BCL2L11: variants seen among roughly 807,000 people sequenced by gnomAD.
BCL2L11 encodes the protein bcl-2-like protein 11.
Under a neutral mutation model 20.6 loss-of-function variants are expected in BCL2L11, and 15 were observed. The observed-to-expected ratio is 0.73, with a 90% CI of 0.49 to 1.12. BCL2L11 has a LOEUF of 1.12. Among genes scored for constraint, BCL2L11 ranks in the 50% most tolerant of loss-of-function variants. The pLI is 0.00. For missense variants in BCL2L11, 292 were observed against 260.9 expected, an observed-to-expected ratio of 1.12 and a Z score of -0.82; for synonymous variants, 108 against 92.8, an observed-to-expected ratio of 1.16 and a Z score of -0.94.
intron 1 of BCL2L11, chr2:111,122,628 G>A (rs1197367129): frequency 1.4e-5 from 14 of 984,574 alleles, no homozygotes; most frequent in South Asian, 4.5e-5. Flanking sequence ...CGCAGAGCGC[G>A]AGGGGAGGAG....
chr2:111,127,758 A>G (rs1157753057), intron 2 of BCL2L11, among the ~76,000 whole-genome samples: 1 of 152,144 alleles, frequency 6.6e-6, no homozygotes. Flanking sequence ...TCAGCAGGGA[A>G]GCCACACATG....
intron 2 of BCL2L11, among the ~76,000 whole-genome samples, chr2:111,135,623 T>C (rs1000846853): frequency 6.6e-6 from 1 of 151,642 alleles, no homozygotes; most frequent in Non-Finnish European, 1.5e-5. Context: ...GATGGGAGAG[T>C]TCTCTTTTGT....
At chr2:111,123,425 G>C in intron 1 of BCL2L11, 1 of 985,470 alleles carries the variant, frequency 1.0e-6, no homozygotes, top group Non-Finnish European at 1.2e-6. Flanking sequence ...AGTCTGTCCT[G>C]GGCAAAGAGC....
chr2:111,144,429 A>G (rs1312288594), intron 2 of BCL2L11: 1 of 1,534,870 alleles, frequency 6.5e-7, no homozygotes, highest in African/African-American at 1.4e-5. Flanking sequence ...GATTTCAAAC[A>G]TGATTCTGAT....
At chr2:111,147,327 A>ATCTCTCTCTCTCTCTCTCTCTC (rs367737247) in intron 2 of BCL2L11, among the ~76,000 whole-genome samples, 70 of 125,848 alleles carry the variant, frequency 5.6e-4, no homozygotes, top group African/African-American at 2.3e-3. Flanking sequence ...AGCCTCCTGT[A>ATCTCTCTCTCTCTCTCTCTCTC]TCTCTCTCTC....
At chr2:111,131,734 A>G (rs1204449686) in intron 2 of BCL2L11, 1 of 152,214 alleles carries the variant, frequency 6.6e-6, no homozygotes, top group Non-Finnish European at 1.5e-5. Flanking sequence ...ATTTACAAAC[A>G]GAAACCCTAT....
Position 111,150,025 on chromosome 2 carries a change from T to C in BCL2L11, c.395-19T>C. ...TGTGGACCACAATGTGATTTTTGTT[T>C]TGTTTTGTTCTGATGCAGCTTCCAT... On this transcript the variant is annotated intron_variant, in intron 2 of 3. Coordinates refer to ENST00000393256, the MANE Select transcript of BCL2L11 (RefSeq NM_138621.5). 1 of 1,608,136 alleles carries C rather than the reference T, an allele frequency of 6.2e-7. No homozygotes were observed. Among genetic ancestry groups the C allele is most frequent in the Non-Finnish European group, 8.5e-7 (1 of 1,175,796 alleles).
intron 2 of BCL2L11, among the ~76,000 whole-genome samples, chr2:111,147,091 A>G (rs374032344): frequency 9.2e-5 from 14 of 152,202 alleles, no homozygotes; most frequent in Non-Finnish European, 1.5e-4. Flanking sequence ...TTTTAAAACT[A>G]CACCTAAGTA....
intron 3 of BCL2L11, among the ~76,000 whole-genome samples, chr2:111,158,871 T>C (rs2078214993): frequency 1.3e-5 from 2 of 152,236 alleles, no homozygotes; most frequent in African/African-American, 4.8e-5. Context: ...TCTCAACCTT[T>C]TTTTTTAAAT....
chr2:111,135,786 C>G (rs2074769661), intron 2 of BCL2L11, among the ~76,000 whole-genome samples: 1 of 152,204 alleles, frequency 6.6e-6, no homozygotes, highest in Non-Finnish European at 1.5e-5. Flanking sequence ...CTAACTAACC[C>G]CACCTTGTAC....
chr2:111,128,774 C>A, intron 2 of BCL2L11: 1 of 1,539,002 alleles, frequency 6.5e-7, no homozygotes, highest in Non-Finnish European at 8.7e-7. Context: ...GCCACAGCCA[C>A]CTCTCTCCCT....
intron 2 of BCL2L11, among the ~76,000 whole-genome samples, chr2:111,137,096 G>C (rs374113177): frequency 6.6e-6 from 1 of 152,114 alleles, no homozygotes; most frequent in African/African-American, 2.4e-5. Flanking sequence ...TATGCCTTAG[G>C]GGGGACTTCT....
intron 2 of BCL2L11, among the ~76,000 whole-genome samples, chr2:111,128,032 G>A (rs540738748): frequency 1.3e-5 from 2 of 151,870 alleles, no homozygotes; most frequent in Non-Finnish European, 2.9e-5. Flanking sequence ...ATTTTGTTGT[G>A]CGGCCAATCT....
intron 2 of BCL2L11, among the ~76,000 whole-genome samples, chr2:111,148,742 C>T (rs2076883649): frequency 6.6e-6 from 1 of 152,158 alleles, no homozygotes; most frequent in Non-Finnish European, 1.5e-5. Context: ...GCCACCCCCA[C>T]AGGGGTGGTG....
At chr2:111,122,266 C>G (rs912136568) in intron 1 of BCL2L11, among the ~76,000 whole-genome samples, 6 of 152,212 alleles carry the variant, frequency 3.9e-5, no homozygotes, top group African/African-American at 1.2e-4. Flanking sequence ...GATGGCCCTG[C>G]GGGTCCGGGC....
At chr2:111,123,535 G>A (rs2071725144) in intron 1 of BCL2L11, 198 bp from the exon 2 acceptor site, 1 of 984,814 alleles carries the variant, frequency 1.0e-6, no homozygotes, top group African/African-American at 1.7e-5. Context: ...TTTGTTTGGG[G>A]GTACCCTCTA....
intron 2 of BCL2L11, among the ~76,000 whole-genome samples, chr2:111,139,909 A>G (rs1415065184): frequency 6.6e-6 from 1 of 152,246 alleles, no homozygotes; most frequent in Non-Finnish European, 1.5e-5. Flanking sequence ...GGCTGCTGGC[A>G]CGCAGCTCTC....
rs1360413239 is a variant in BCL2L11 at position 111,124,127 on chromosome 2, C to T, written c.382C>T (p.Leu128Phe). The T allele has an allele frequency of 4.3e-6, 7 of 1,610,176 alleles. No homozygotes were observed. The highest frequency in any genetic ancestry group is 1.7e-5 in the Admixed American group (1 of 59,808). Residue 128 changes from leucine to phenylalanine, a missense_variant, in exon 2 of 4, where the codon CTC (leucine) becomes TTC (phenylalanine). Leu to Phe is a conservative substitution (Grantham distance 22). Coordinates refer to ENST00000393256, the MANE Select transcript of BCL2L11 (RefSeq NM_138621.5). ...SPPCQAFNHY[L>F]SAMASMRQAE... ...TCCTTGCCAGGCCTTCAACCACTAT[C>T]TCAGTGCAATGGGTAAGCAATGCCT...
At chr2:111,142,231 C>G (rs2075938078) in intron 2 of BCL2L11, 1 of 1,224,902 alleles carries the variant, frequency 8.2e-7, no homozygotes, top group Non-Finnish European at 1.2e-6. Flanking sequence ...ACCTCCTGTT[C>G]TTTTCCTTCT....
Sources: gnomAD v4.1 joint callset for allele counts (sites outside exome capture counted in the v4.1 genomes callset) on GRCh38, gnomAD v4.1.1 for gene constraint, MANE v1.5 for transcripts, NCBI Gene and HGNC (gene_info 2026-07-23, HGNC 2026-07-21) for gene names.